Variants in GPKOW observed in about 807,000 individuals in gnomAD.
The protein encoded by GPKOW is G-patch domain and KOW motifs-containing protein.
For missense variants in GPKOW, 359 were observed against 404.7 expected, an observed-to-expected ratio of 0.89 and a Z score of 0.97; for synonymous variants, 167 against 159.1, an observed-to-expected ratio of 1.05 and a Z score of -0.37.
intron 3 of GPKOW, 81 bp from the exon 4 acceptor site, chrX:49,119,895 C>T (rs190699713): frequency 3.4e-4 from 184 of 536,983 alleles, no homozygotes; most frequent in Non-Finnish European, 5.2e-4. Flanking sequence ...CTGCCCCCCA[C>T]TGGGAGACCT....
chrX:49,118,935 A>G (rs1006471418), intron 4 of GPKOW, among the ~76,000 whole-genome samples: 2 of 93,836 alleles, frequency 2.1e-5, no homozygotes, highest in African/African-American at 7.6e-5. Flanking sequence ...CTTTATGTAT[A>G]TAATTTCTTT....
Position 49,116,156 on chromosome X carries a change from C to A in GPKOW, c.1016+65G>T, listed in dbSNP as rs2065192968. On this transcript the variant is annotated intron_variant, in intron 7 of 10. Coordinates refer to ENST00000156109, the MANE Select transcript of GPKOW (RefSeq NM_015698.6). ...AGCCCGCCTTGCCTTGGAAGCCTTCCCTGGCTGCTCGAGCCTACCCACAGC... is the reference window on the plus strand; with the variant it reads ...AGCCCGCCTTGCCTTGGAAGCCTTCACTGGCTGCTCGAGCCTACCCACAGC... The A allele has an allele frequency of 3.7e-6, 4 of 1,094,737 alleles. No individual in the cohort carries two copies. The Admixed American group carries it at 8.8e-5, about 24-fold the overall frequency. 90.2% of individuals were successfully genotyped at this position (1,094,737 alleles called of 1,213,427 possible). A position where few individuals can be genotyped will look rare whatever the true frequency, so the allele number is the denominator to read the frequency against.
chrX:49,118,151 C>T (rs1409853415), intron 4 of GPKOW, among the ~76,000 whole-genome samples: 3 of 109,560 alleles, frequency 2.7e-5, no homozygotes, highest in Non-Finnish European at 5.7e-5. Flanking sequence ...GAACTCCTGA[C>T]CTCAGGTGAT....
rs192894782 is a variant in GPKOW, at chrX:49,116,307, A to C, written c.930T>G (p.Thr310=). 1.1e-4 allele frequency: 135 copies of C among 1,193,633 alleles called. 1 individual carries two copies. In the East Asian group the frequency reaches 3.9e-3, roughly 35 times the overall value. Reference sequence around the variant, plus strand: ...TCCAGAGGGTCTTCCGTGATGAGGCAGTTCCGTTCTGTTGCCCTGGGGAAG... The same window carrying C: ...TCCAGAGGGTCTTCCGTGATGAGGCCGTTCCGTTCTGTTGCCCTGGGGAAG... ...NTLDLRQQNG[T]ASSRKTLWNQ... is the part of the protein sequence containing the mutation. Residue 310 remains threonine, a synonymous_variant, in exon 7 of 11, where the codon ACT becomes ACG. Coordinates refer to ENST00000156109, the MANE Select transcript of GPKOW (RefSeq NM_015698.6).
intron 1 of GPKOW, 23 bp from the exon 2 acceptor site, chrX:49,122,799 G>C: frequency 8.4e-7 from 1 of 1,189,542 alleles, no homozygotes; most frequent in Non-Finnish European, 1.1e-6. Flanking sequence ...CAGAGGGGTG[G>C]GGTTGGGAGA....
At chrX:49,119,912 C>T (rs1379711236) in intron 3 of GPKOW, 98 bp from the exon 4 acceptor site, 3 of 489,172 alleles carry the variant, frequency 6.1e-6, no homozygotes, top group South Asian at 3.1e-5. Context: ...ACCTGCTACG[C>T]GTCTTTTCCA....
rs781809215 is a variant in GPKOW at position 49,113,630 on chromosome X, A to C, written c.1422T>G (p.Asp474Glu). The stretch of plus-strand genomic sequence containing the variant: ...GGAGGAGTCCCATGGGTCAGTCATC[A>C]TCTGTGTCACTAGGGCCCATGTACT... Reference protein sequence around the residue: ...ICQYMGPSDTDDD With the variant: ...ICQYMGPSDTEDD Residue 474 changes from aspartate (D) to glutamate (E), a missense_variant, in exon 11 of 11, where the codon GAT (aspartate) becomes GAG (glutamate). Transcript: ENST00000156109. The C allele has an allele frequency of 8.3e-7, 1 of 1,208,139 alleles. No homozygotes were observed. Among genetic ancestry groups the C allele is most frequent in the Non-Finnish European group, 1.1e-6 (1 of 893,966 alleles).
Position 49,119,749 on chromosome X carries a change from G to A in GPKOW, c.522C>T (p.Gly174=). The change falls in exon 4 of 11, where the codon GGC becomes GGT. Residue 174 remains glycine (G), a synonymous_variant. Coordinates refer to ENST00000156109, the MANE Select transcript of GPKOW (RefSeq NM_015698.6). ...VEAYGLAMLR[G]MGWKPGEGIG... ...TGCCCTCGCCAGGTTTCCAGCCCAT[G>A]CCCCGCAGCATGGCCAGCCCATAGG... The A allele has an allele frequency of 8.3e-6, 10 of 1,204,851 alleles. No homozygotes were observed. Among genetic ancestry groups the A allele is most frequent in the Non-Finnish European group, 1.0e-5 (9 of 889,673 alleles).
At chrX:49,115,579 T>A in intron 9 of GPKOW, 147 bp downstream of exon 9, 9 of 357,011 alleles carry the variant, frequency 2.5e-5, no homozygotes, top group East Asian at 5.7e-5. Flanking sequence ...CCAACCACCA[T>A]CATGGAAGTG....
intron 9 of GPKOW, 148 bp from the exon 10 acceptor site, chrX:49,114,086 C>T (rs2065182032): frequency 2.2e-6 from 1 of 446,142 alleles, no homozygotes; most frequent in South Asian, 3.2e-5. Context: ...TCGCTTGAGC[C>T]CAGGAGTTCG....
At chrX:49,119,340 G>C (rs1159471951) in intron 4 of GPKOW, among the ~76,000 whole-genome samples, 4 of 110,354 alleles carry the variant, frequency 3.6e-5, no homozygotes, top group Non-Finnish European at 7.6e-5. Context: ...AACTCCTGGA[G>C]TTAAGTGATC....
At chrX:49,116,371 G>T (rs782306641) in intron 6 of GPKOW, 48 bp from the exon 7 acceptor site, 2 of 820,795 alleles carry the variant, frequency 2.4e-6, no homozygotes, top group South Asian at 2.1e-5. Context: ...AGGTTATGAG[G>T]AGAACCAGGA....
intron 9 of GPKOW, among the ~76,000 whole-genome samples, 157 bp from the exon 10 acceptor site, chrX:49,114,095 C>T (rs868987806): frequency 9.1e-6 from 1 of 110,184 alleles, no homozygotes; most frequent in African/African-American, 3.3e-5. Context: ...CCCAGGAGTT[C>T]GAGACCAACC....
chrX:49,121,379 G>A (rs1432194052), intron 3 of GPKOW, among the ~76,000 whole-genome samples: 1 of 109,745 alleles, frequency 9.1e-6, no homozygotes, highest in Non-Finnish European at 1.9e-5. Context: ...AGTGAGCCGA[G>A]ATCACACCAC....
In GPKOW at chrX:49,122,473, C is replaced by T. The variant is rs1224227051; in HGVS notation, c.381G>A (p.Thr127=). The part of the protein sequence containing the change: ...EERENAGVDP[T]LAIPMIQKGC... The stretch of plus-strand genomic sequence containing the variant: ...CTTTCTGGATCATGGGGATAGCGAG[C>T]GTGGGGTCGACACCCGCATTCTCTC... The change falls in exon 3 of 11, where the codon ACG becomes ACA. Residue 127 remains threonine (T), a synonymous_variant. Coordinates refer to ENST00000156109, the MANE Select transcript of GPKOW (RefSeq NM_015698.6). 30 of 1,200,266 alleles carry T rather than the reference C, an allele frequency of 2.5e-5. No homozygotes were observed. Among genetic ancestry groups the T allele is most frequent in the Non-Finnish European group, 3.3e-5 (29 of 890,467 alleles).
At chrX:49,116,601 A>G (rs1455608742) in intron 6 of GPKOW, among the ~76,000 whole-genome samples, 3 of 111,251 alleles carry the variant, frequency 2.7e-5, no homozygotes, top group Admixed American at 9.6e-5. Flanking sequence ...ATTCCCAGAG[A>G]GCTCTGTCTG....
intron 9 of GPKOW, 149 bp downstream of exon 9, chrX:49,115,577 C>A: frequency 2.2e-6 from 1 of 446,250 alleles, no homozygotes; most frequent in South Asian, 3.6e-5. Context: ...AACCAACCAC[C>A]ATCATGGAAG....
rs782478552 is a variant in GPKOW, at chrX:49,117,689, GCTC to G, written c.685_687del (p.Glu229del). 7 of 1,207,302 alleles carry G rather than the reference GCTC, an allele frequency of 5.8e-6. No homozygotes were observed. The East Asian group carries it at 2.1e-4, about 36-fold the overall frequency. On this transcript the variant is annotated inframe_deletion, in exon 5 of 11. Transcript: ENST00000156109. Reference sequence around the variant, plus strand: ...GGCTGATCTTCCTTATCTTTCTCTTGCTCCTCATCTGGTCTTGGCATGCGGGAG... The same window carrying G: ...GGCTGATCTTCCTTATCTTTCTCTTGCTCATCTGGTCTTGGCATGCGGGAG...
intron 5 of GPKOW, 73 bp downstream of exon 5, chrX:49,117,524 T>C: frequency 2.6e-6 from 2 of 756,883 alleles, no homozygotes; most frequent in Non-Finnish European, 4.1e-6. Flanking sequence ...AATCCAATTA[T>C]TCCTCCATCT....
Sources: allele counts gnomAD v4.1 joint callset (sites outside exome capture counted in the v4.1 genomes callset), GRCh38; gene constraint gnomAD v4.1.1; transcripts MANE v1.5; gene names NCBI Gene and HGNC (gene_info 2026-07-23, HGNC 2026-07-21).